KDM1B: variants seen among roughly 807,000 people sequenced by gnomAD.
KDM1B encodes lysine-specific histone demethylase 2.
A neutral mutation model predicts 107.4 loss-of-function variants in KDM1B; 63 were observed. The observed-to-expected ratio is 0.59, with a 90% confidence interval of 0.48 to 0.72. KDM1B has a LOEUF of 0.72. Among genes scored for constraint, KDM1B ranks in the 30% least tolerant of loss-of-function variants. The pLI, the probability that KDM1B is intolerant of heterozygous loss-of-function variation, is 0.00. For missense variants in KDM1B, 749 were observed against 1,020.8 expected, an observed-to-expected ratio of 0.73 and a Z score of 3.63; for synonymous variants, 363 against 363.9, an observed-to-expected ratio of 1.00 and a Z score of 0.03.
chr6:18,195,660 G>A (rs549548202), intron 10 of KDM1B, among the ~76,000 whole-genome samples: 38 of 146,982 alleles, frequency 2.6e-4, no homozygotes, highest in African/African-American at 8.4e-4. Flanking sequence ...ATTTGAACCC[G>A]GGAGGCAGAG....
intron 20 of KDM1B, among the ~76,000 whole-genome samples, 171 bp downstream of exon 20, chr6:18,215,300 A>G (rs1561956772): frequency 6.6e-6 from 1 of 152,236 alleles, no homozygotes; most frequent in Non-Finnish European, 1.5e-5. Context: ...TTAGTCTGTG[A>G]GGGCTGTCAT....
chr6:18,189,690 A>C (rs1398318448), intron 9 of KDM1B, among the ~76,000 whole-genome samples: 1 of 152,210 alleles, frequency 6.6e-6, no homozygotes, highest in African/African-American at 2.4e-5. Context: ...TTTCAGTTTC[A>C]TGAAGGCAAA....
chr6:18,159,910 G>A lies in KDM1B; in HGVS notation c.15G>A (p.Arg5=), dbSNP rs530646636. The stretch of plus-strand genomic sequence containing the variant: ...TATTTAATGTAATGGCAACTCCACG[G>A]GGGAGGACAAAGAAAAAAGCATCTT... MATP[R]GRTKKKASFD... Residue 5 remains arginine, a synonymous_variant, in exon 3 of 22, where the codon CGG becomes CGA. Transcript: ENST00000650836. The surrounding 1 kb of genome is among the most constrained non-coding windows in gnomAD (Gnocchi z 4.5). 2.1e-5 allele frequency: 33 copies of A among 1,608,052 alleles called. No homozygotes were observed. Among genetic ancestry groups the A allele is most frequent in the Non-Finnish European group, 2.4e-5 (28 of 1,177,270 alleles).
rs142231708 is a variant in KDM1B, at chr6:18,174,594, C to T, written c.534+3115C>T. 1.5e-3 allele frequency among the ~76,000 whole-genome samples: 233 copies of T among 152,098 alleles called. 4 individuals are homozygous for T. Among genetic ancestry groups the T allele is most frequent in the African/African-American group, 5.0e-3 (206 of 41,488 alleles). On this transcript the variant is annotated intron_variant, in intron 7 of 21. Transcript: ENST00000650836. Reference sequence around the variant, plus strand: ...GTATACACTGCACCCTGTTTGTAGCCGTTTGTCCCTAGCCCCCCTTCTACT... The same window carrying T: ...GTATACACTGCACCCTGTTTGTAGCTGTTTGTCCCTAGCCCCCCTTCTACT...
In KDM1B at chr6:18,205,579, G is replaced by A. The variant is rs1322094983; in HGVS notation, c.1574G>A (p.Gly525Asp). 3.2e-6 allele frequency: 5 copies of A among 1,546,988 alleles called. No homozygotes were observed. The highest frequency in any genetic ancestry group is 2.4e-5 in the South Asian group (2 of 83,936). Residue 525 changes from glycine (G) to aspartate (D), a missense_variant, in exon 15 of 22, where the codon GGT (glycine) becomes GAT (aspartate). Coordinates refer to ENST00000650836, the MANE Select transcript of KDM1B (RefSeq NM_001364614.2). This position sits in a 1 kb window ranked among gnomAD's most constrained non-coding sequence, Gnocchi z 5.7. ...TACAAGGCATTTATTAAGGAATCTG[G>A]TATCCAATTCAGTGAGCTGGAGGGA... The part of the protein sequence containing the change: ...EIYKAFIKES[G>D]IQFSELEGQV...
At chr6:18,176,076 T>C (rs1785979866) in intron 7 of KDM1B, among the ~76,000 whole-genome samples, 1 of 152,244 alleles carries the variant, frequency 6.6e-6, no homozygotes, top group African/African-American at 2.4e-5. Context: ...TTTCACAACA[T>C]TGATTCTACC....
intron 7 of KDM1B, among the ~76,000 whole-genome samples, chr6:18,178,816 A>T (rs147213703): frequency 6.6e-6 from 1 of 152,362 alleles, no homozygotes; most frequent in African/African-American, 2.4e-5. Flanking sequence ...AGTTTCATAG[A>T]TCTTTTTCAT....
intron 7 of KDM1B, among the ~76,000 whole-genome samples, chr6:18,173,584 T>G (rs1297895823): frequency 6.6e-6 from 1 of 152,176 alleles, no homozygotes; most frequent in East Asian, 1.9e-4. Flanking sequence ...CCTTTCACCT[T>G]GTAAACATAC....
At chr6:18,202,248 C>T (rs172521) in intron 14 of KDM1B, among the ~76,000 whole-genome samples, 5,661 of 149,128 alleles carry the variant, frequency 0.038, 120 homozygotes, top group Middle Eastern at 0.072. Flanking sequence ...AAAAAAAGGG[C>T]GGGGGGCAAG....
chr6:18,161,764 TAG>T, intron 4 of KDM1B, among the ~76,000 whole-genome samples: 1 of 152,092 alleles, frequency 6.6e-6, no homozygotes. Context: ...GGTGAGACAG[TAG>T]AGAGAACTCA....
At chr6:18,161,544 A>G in intron 4 of KDM1B, 90 bp downstream of exon 4, 4 of 1,340,264 alleles carry the variant, frequency 3.0e-6, no homozygotes, top group Non-Finnish European at 3.1e-6. Context: ...TTTCCTAAAG[A>G]TAGATACAGA....
intron 6 of KDM1B, among the ~76,000 whole-genome samples, chr6:18,166,763 G>A (rs1181623718): frequency 6.6e-6 from 1 of 151,652 alleles, no homozygotes; most frequent in Non-Finnish European, 1.5e-5. Flanking sequence ...TTGAGGTTGG[G>A]GAATTGCTTG....
At chr6:18,208,737 C>T (rs1165945296) in intron 17 of KDM1B, among the ~76,000 whole-genome samples, 20 of 138,654 alleles carry the variant, frequency 1.4e-4, no homozygotes, top group South Asian at 4.8e-4. Context: ...CTCCGCCTCC[C>T]GGGTTCACGC....
rs143692166 is a variant in KDM1B, at chr6:18,211,954, T to G, written c.1867-534T>G. On this transcript the variant is annotated intron_variant, in intron 17 of 21. Coordinates refer to ENST00000650836, the MANE Select transcript of KDM1B (RefSeq NM_001364614.2). The surrounding 1 kb of genome is among the most constrained non-coding windows in gnomAD (Gnocchi z 5.2). ...GTACTGCTTTTCGGGGTTTTGTTTT[T>G]TTTTTTTTTTTGAGACAGTCTCGCT... is the stretch of plus-strand genomic sequence containing the variant. 1.7e-4 allele frequency: 27 copies of G among 157,982 alleles called. No homozygotes were observed. The highest frequency in any genetic ancestry group is 1.0e-3 in the Admixed American group (16 of 15,404). 9.8% of individuals were successfully genotyped at this position (157,982 alleles called of 1,614,324 possible). A position where few individuals can be genotyped will look rare whatever the true frequency, so the allele number is the denominator to read the frequency against.
chr6:18,207,373 G>A lies in KDM1B; in HGVS notation c.1660-25G>A, dbSNP rs369229341. ...CAGGCACAAGGATTTACACTGCTGT[G>A]TCCCCAACCTCTCTTGTTTCCCAGG... On this transcript the variant is annotated intron_variant, in intron 15 of 21. Coordinates refer to ENST00000650836, the MANE Select transcript of KDM1B (RefSeq NM_001364614.2). 6.2e-6 allele frequency: 10 copies of A among 1,613,200 alleles called. No individual in the cohort carries two copies. In the African/African-American group the frequency reaches 8.0e-5, roughly 13 times the overall value.
chr6:18,195,360 T>G (rs1787573245), intron 10 of KDM1B, among the ~76,000 whole-genome samples: 1 of 152,220 alleles, frequency 6.6e-6, no homozygotes. Flanking sequence ...TTTCAAACAT[T>G]AATTGGTTTG....
intron 17 of KDM1B, among the ~76,000 whole-genome samples, chr6:18,210,331 CTCTT>C (rs377089164): frequency 0.035 from 2,167 of 61,448 alleles, 83 homozygotes; most frequent in African/African-American, 0.093. Context: ...TCTTTTTTTT[CTCTT>C]TCTTTTCTTT....
At chr6:18,218,005 G>A (rs1789381585) in intron 21 of KDM1B, 120 bp downstream of exon 21, 1 of 1,039,942 alleles carries the variant, frequency 9.6e-7, no homozygotes, top group East Asian at 2.5e-5. Flanking sequence ...TATGACCACA[G>A]ACAGCAGAAG....
At chr6:18,220,971 G>T (rs1213351100) in intron 21 of KDM1B, among the ~76,000 whole-genome samples, 1 of 151,798 alleles carries the variant, frequency 6.6e-6, no homozygotes, top group Non-Finnish European at 1.5e-5. Flanking sequence ...GGCAGGTCTT[G>T]AACTCCTGAC....
Sources: allele counts gnomAD v4.1 joint callset (sites outside exome capture counted in the v4.1 genomes callset), GRCh38; gene constraint gnomAD v4.1.1; non-coding constraint Gnocchi (gnomAD v3.1); transcripts MANE v1.5; gene names NCBI Gene and HGNC (gene_info 2026-07-23, HGNC 2026-07-21).